MAGI2: variants seen among roughly 807,000 people sequenced by gnomAD.
MAGI2 encodes membrane-associated guanylate kinase, WW and PDZ domain-containing protein 2.
In MAGI2, 35 loss-of-function variants were observed where a neutral mutation model predicts 133.3. That is an observed-to-expected ratio of 0.26 (90% CI 0.20 to 0.35). The LOEUF (loss-of-function observed/expected upper bound fraction) is 0.35, where lower values mean the gene tolerates loss of function less well. Ranked by LOEUF, MAGI2 falls within the 10% of genes least tolerant of loss-of-function variation. MAGI2 has a pLI of 1.00. For synonymous variants in MAGI2, 729 were observed against 710.6 expected (o/e 1.03, Z -0.41); for missense variants, 1,636 against 1,863.4 (o/e 0.88, Z 2.25).
intron 16 of MAGI2, among the ~76,000 whole-genome samples, chr7:78,142,867 G>A (rs1053879438): frequency 8.5e-5 from 13 of 152,172 alleles, no homozygotes; most frequent in Admixed American, 2.6e-4. Context: ...CTTTTCTTCC[G>A]TAGCAATACT....
At chr7:79,161,319 A>G (rs1308314118) in intron 1 of MAGI2, among the ~76,000 whole-genome samples, 1 of 152,016 alleles carries the variant, frequency 6.6e-6, no homozygotes, top group Admixed American at 6.6e-5. Context: ...TAAAAGCTGG[A>G]GTGCTAGTCG....
chr7:79,308,160 C>A (rs1210651235), intron 1 of MAGI2, among the ~76,000 whole-genome samples: 1 of 152,086 alleles, frequency 6.6e-6, no homozygotes, highest in Non-Finnish European at 1.5e-5. Flanking sequence ...CAGTGTTTAG[C>A]ATTATAAAAT....
intron 1 of MAGI2, among the ~76,000 whole-genome samples, chr7:79,250,146 A>T (rs781220480): frequency 1.1e-4 from 17 of 152,250 alleles, no homozygotes; most frequent in Non-Finnish European, 1.6e-4. Flanking sequence ...ATATGTCAAC[A>T]TAATGATAGC....
intron 2 of MAGI2, among the ~76,000 whole-genome samples, chr7:78,850,686 G>T (rs181017049): frequency 2.6e-5 from 4 of 152,136 alleles, no homozygotes; most frequent in Admixed American, 2.0e-4. Context: ...ACTGTGCACT[G>T]GGGAAAGCAG....
At chr7:79,298,993 T>C (rs1162719420) in intron 1 of MAGI2, among the ~76,000 whole-genome samples, 2 of 152,180 alleles carry the variant, frequency 1.3e-5, no homozygotes, top group African/African-American at 4.8e-5. Flanking sequence ...AGCCACCCCA[T>C]GGTATTTTGT....
intron 21 of MAGI2, among the ~76,000 whole-genome samples, chr7:78,060,240 A>ACAAAG (rs3084735): frequency 9.0e-6 from 1 of 110,984 alleles, no homozygotes; most frequent in Admixed American, 9.7e-5. Flanking sequence ...AAAAAACAAA[A>ACAAAG]GGGACCCCCC....
At chr7:79,048,706 G>T (rs903530905) in intron 1 of MAGI2, among the ~76,000 whole-genome samples, 4 of 152,176 alleles carry the variant, frequency 2.6e-5, no homozygotes, top group African/African-American at 4.8e-5. Context: ...TGGCACAATG[G>T]CTCATGCCTG....
At chr7:78,986,389 A>G (rs1319809935) in intron 2 of MAGI2, among the ~76,000 whole-genome samples, 1 of 152,044 alleles carries the variant, frequency 6.6e-6, no homozygotes, top group Non-Finnish European at 1.5e-5. Flanking sequence ...CTAAACTCAG[A>G]TTTCATCTGT....
chr7:79,256,754 G>C (rs547939008), intron 1 of MAGI2, among the ~76,000 whole-genome samples: 12 of 152,082 alleles, frequency 7.9e-5, no homozygotes, highest in Middle Eastern at 3.4e-3. Context: ...GCTTCCCAAA[G>C]TGTTGGGATT....
intron 2 of MAGI2, among the ~76,000 whole-genome samples, chr7:78,663,282 C>T (rs941193449): frequency 6.7e-6 from 1 of 148,416 alleles, no homozygotes; most frequent in East Asian, 2.0e-4. Context: ...TCTCTGCTCA[C>T]TGCAATATCC....
chr7:79,140,961 T>C (rs1822071909), intron 1 of MAGI2, among the ~76,000 whole-genome samples: 1 of 152,198 alleles, frequency 6.6e-6, no homozygotes, highest in African/African-American at 2.4e-5. Flanking sequence ...AAGTGTGTAG[T>C]GCCTTAATCA....
chr7:78,991,284 A>T (rs1055107362), intron 2 of MAGI2, among the ~76,000 whole-genome samples: 3 of 150,150 alleles, frequency 2.0e-5, no homozygotes, highest in African/African-American at 7.3e-5. Flanking sequence ...GTATTTTTAT[A>T]GCAGGGTGAG....
chr7:78,881,041 A>C (rs1795802288), intron 2 of MAGI2, among the ~76,000 whole-genome samples: 1 of 152,186 alleles, frequency 6.6e-6, no homozygotes, highest in African/African-American at 2.4e-5. Context: ...ATATATATGC[A>C]CCCAACATTG....
chr7:78,997,049 A>G (rs1806372704), intron 2 of MAGI2, among the ~76,000 whole-genome samples: 1 of 152,186 alleles, frequency 6.6e-6, no homozygotes, highest in South Asian at 2.1e-4. Context: ...ACAAATATAC[A>G]TAGGTTGACA....
intron 10 of MAGI2, among the ~76,000 whole-genome samples, chr7:78,207,338 T>A (rs1787204382): frequency 6.6e-6 from 1 of 152,164 alleles, no homozygotes; most frequent in South Asian, 2.1e-4. Context: ...CAAGAAACTG[T>A]TTTTTAAAAG....
At chr7:79,198,323 G>A (rs1428187311) in intron 1 of MAGI2, among the ~76,000 whole-genome samples, 1 of 151,728 alleles carries the variant, frequency 6.6e-6, no homozygotes, top group Non-Finnish European at 1.5e-5. Flanking sequence ...TTAGTACAGT[G>A]CTGCCATTTG....
At chr7:78,869,608 T>C in intron 2 of MAGI2, among the ~76,000 whole-genome samples, 1 of 152,152 alleles carries the variant, frequency 6.6e-6, no homozygotes, top group Admixed American at 6.5e-5. Context: ...TTGACAATCA[T>C]GGCATAAGGG....
chr7:78,276,569 C>A (rs996703976), intron 9 of MAGI2, among the ~76,000 whole-genome samples: 1 of 151,640 alleles, frequency 6.6e-6, no homozygotes, highest in African/African-American at 2.4e-5. Context: ...AGACTCTTTA[C>A]TAATTTTTTT....
chr7:78,579,257 T>C (rs992164888), intron 3 of MAGI2, among the ~76,000 whole-genome samples: 2 of 152,154 alleles, frequency 1.3e-5, no homozygotes, highest in African/African-American at 4.8e-5. Flanking sequence ...TTCCAGTAAC[T>C]AACAGTGACT....
Sources: gnomAD v4.1 joint callset for allele counts (sites outside exome capture counted in the v4.1 genomes callset) on GRCh38, gnomAD v4.1.1 for gene constraint, MANE v1.5 for transcripts, NCBI Gene and HGNC (gene_info 2026-07-23, HGNC 2026-07-21) for gene names.